Variants in CSNK1E observed in about 807,000 individuals in gnomAD.
CSNK1E encodes casein kinase I isoform epsilon.
CSNK1E carries 17 observed loss-of-function variants against 46.1 expected under a neutral mutation model. The ratio of observed to expected loss-of-function variants is 0.37; its 90% CI spans 0.25 to 0.55. CSNK1E has a LOEUF of 0.55. CSNK1E is among the 20% of genes least tolerant of loss of function. The pLI is 0.82. For missense variants in CSNK1E, 386 were observed against 595.4 expected, an observed-to-expected ratio of 0.65 and a Z score of 3.66; for synonymous variants, 241 against 242.6, an observed-to-expected ratio of 0.99 and a Z score of 0.06.
chr22:38,292,936 G>C (rs2092618988), intron 10 of CSNK1E: 1 of 379,740 alleles, frequency 2.6e-6, no homozygotes, highest in African/African-American at 2.1e-5. Context: ...TGAGCCCATG[G>C]CCCCGTCTCT....
At chr22:38,305,523 TACTC>T (rs1332271143) in intron 2 of CSNK1E, among the ~76,000 whole-genome samples, 1 of 146,750 alleles carries the variant, frequency 6.8e-6, no homozygotes, top group Non-Finnish European at 1.5e-5. Context: ...CTAAGAGACA[TACTC>T]ACTTGCAATT....
rs2092604859 is a variant in CSNK1E, at chr22:38,290,830, A to G, written c.*1141T>C. On this transcript the variant is annotated 3_prime_UTR_variant, in exon 11 of 11. Coordinates refer to ENST00000396832, the MANE Select transcript of CSNK1E (RefSeq NM_152221.3). ...TTTTTTTTTCAGTTTTTTAAATTAC[A>G]AAGTAATAAAAAGCTTTGCTCTTTA... 6.6e-6 allele frequency: 1 copy of G among 152,076 alleles called. No homozygotes were observed. Among genetic ancestry groups the G allele is most frequent in the Admixed American group, 6.6e-5 (1 of 15,264 alleles). The allele number at this position is 152,076 out of a possible 1,614,324, so 9.4% of individuals were successfully genotyped here.
chr22:38,298,783 C>T lies in CSNK1E; in HGVS notation c.885+3G>A. On this transcript the variant is annotated splice_donor_region_variant and intron_variant, in intron 7 of 10. Coordinates refer to ENST00000396832, the MANE Select transcript of CSNK1E (RefSeq NM_152221.3). This position sits in a 1 kb window ranked among gnomAD's most constrained non-coding sequence, Gnocchi z 4.2. Reference sequence around the variant, plus strand: ...AGCCCGCCTTGGCCTCCAGGTGACTCACGAATTTCAGCATGTTCCAGTCAA... The same window carrying T: ...AGCCCGCCTTGGCCTCCAGGTGACTTACGAATTTCAGCATGTTCCAGTCAA... The T allele has an allele frequency of 6.2e-7, 1 of 1,614,052 alleles. No homozygotes were observed. The highest frequency in any genetic ancestry group is 8.5e-7 in the Non-Finnish European group (1 of 1,179,996).
chr22:38,294,444 G>C lies in CSNK1E; in HGVS notation c.976C>G (p.Arg326Gly). ...RMGQLRGSAT[R>G]ALPPGPPTGA... ...GTGGGTGGGCCAGGGGGCAGGGCTC[G>C]GGTCGCGGACCCCCGTAGCTGCCCC... The change falls in exon 8 of 11, where the codon CGA becomes GGA. Residue 326 changes from arginine to glycine, a missense_variant. This residue lies in a region of CSNK1E where 174 missense variants were observed against 185.2 expected (regional missense o/e 0.94). Transcript: ENST00000396832. This position sits in a 1 kb window ranked among gnomAD's most constrained non-coding sequence, Gnocchi z 5.5. The C allele has an allele frequency of 1.9e-6, 3 of 1,572,366 alleles. No individual in the cohort carries two copies. The highest frequency in any genetic ancestry group is 2.6e-6 in the Non-Finnish European group (3 of 1,161,278).
intron 2 of CSNK1E, among the ~76,000 whole-genome samples, chr22:38,306,399 T>C (rs2092698772): frequency 1.3e-5 from 2 of 152,242 alleles, no homozygotes; most frequent in African/African-American, 4.8e-5. Context: ...TCACCGTTTT[T>C]AGTATATTCA....
In CSNK1E at chr22:38,303,375, T is replaced by C. The variant is rs2092683739; in HGVS notation, c.77-127A>G. 8 of 773,236 alleles carry C rather than the reference T, an allele frequency of 1.0e-5. No homozygotes were observed. The highest frequency in any genetic ancestry group is 1.4e-5 in the Non-Finnish European group (7 of 493,508). The allele number at this position is 773,236 out of a possible 1,614,324, so 47.9% of individuals were successfully genotyped here. A position where few individuals can be genotyped will look rare whatever the true frequency, so the allele number is the denominator to read the frequency against. ...GGGGCCATCTGCCCTTGAGGAGCTCTTGGGGGAGGCTGGGAAGGGGGCAAA... is the reference window on the plus strand; with the variant it reads ...GGGGCCATCTGCCCTTGAGGAGCTCCTGGGGGAGGCTGGGAAGGGGGCAAA... On this transcript the variant is annotated intron_variant, in intron 2 of 10. Coordinates refer to ENST00000396832, the MANE Select transcript of CSNK1E (RefSeq NM_152221.3). The surrounding 1 kb of genome is among the most constrained non-coding windows in gnomAD (Gnocchi z 4.7).
At chr22:38,313,048 T>C (rs1394172399) in intron 2 of CSNK1E, among the ~76,000 whole-genome samples, 5 of 152,180 alleles carry the variant, frequency 3.3e-5, no homozygotes, top group Non-Finnish European at 7.3e-5. Context: ...TGCAAGGAAG[T>C]GGTCAGGGAA....
In CSNK1E at chr22:38,294,576, C is replaced by G. The variant is rs969019857; in HGVS notation, c.886-42G>C. On this transcript the variant is annotated intron_variant, in intron 7 of 10. Transcript: ENST00000396832. The surrounding 1 kb of genome is among the most constrained non-coding windows in gnomAD (Gnocchi z 5.5). ...AAAGACACCAGTCAGCCCCAGAGGC[C>G]AGGGTGCTCTGGGCCCAGCAGCCCT... The G allele has an allele frequency of 6.5e-7, 1 of 1,534,658 alleles. No homozygotes were observed. Among genetic ancestry groups the G allele is most frequent in the Middle Eastern group, 1.8e-4 (1 of 5,476 alleles).
intron 2 of CSNK1E, among the ~76,000 whole-genome samples, chr22:38,311,714 T>C (rs536387375): frequency 3.3e-5 from 5 of 152,052 alleles, no homozygotes; most frequent in Non-Finnish European, 5.9e-5. Flanking sequence ...CTCAGAATGA[T>C]ATGGTGACTT....
chr22:38,298,494 G>C lies in CSNK1E; in HGVS notation c.885+292C>G. ...ATCAGGGCAGCAGGGGGCGCCGCCA[G>C]CACCACCCATGCCCTGCTGCGGGCA... is the stretch of plus-strand genomic sequence containing the variant. On this transcript the variant is annotated intron_variant, in intron 7 of 10. Transcript: ENST00000396832. This position sits in a 1 kb window ranked among gnomAD's most constrained non-coding sequence, Gnocchi z 4.2. 2.3e-6 allele frequency: 1 copy of C among 427,704 alleles called. No individual in the cohort carries two copies. The allele number at this position is 427,704 out of a possible 1,614,324, so 26.5% of individuals were successfully genotyped here.
At position 38,299,866 on chromosome 22, in the gene CSNK1E, G is replaced by A. The variant is rs146245501; in HGVS notation, c.736+29C>T. The A allele has an allele frequency of 6.4e-5, 103 of 1,608,026 alleles. No individual in the cohort carries two copies. In the African/African-American group the frequency reaches 1.1e-3, roughly 18 times the overall value. ...TTAGACAGTGCCTCAGGGGCCCCCA[G>A]GCATGTCCCCTCCCACTGGGCTACT... On this transcript the variant is annotated intron_variant, in intron 6 of 10. Transcript: ENST00000396832.
At chr22:38,302,482 C>T (rs981510348) in intron 4 of CSNK1E, among the ~76,000 whole-genome samples, 1 of 152,158 alleles carries the variant, frequency 6.6e-6, no homozygotes, top group East Asian at 1.9e-4. Flanking sequence ...CGGTGGCTCA[C>T]GCCTGTAATC....
intron 7 of CSNK1E, among the ~76,000 whole-genome samples, chr22:38,295,740 G>T (rs2092636995): frequency 6.6e-6 from 1 of 152,214 alleles, no homozygotes; most frequent in Admixed American, 6.5e-5. Context: ...ACCCCAAGAG[G>T]TCACTGTTCA....
rs374598201 is a variant in CSNK1E at position 38,294,175 on chromosome 22, C to A, written c.1152G>T (p.Ala384=). ...GGTCTGAGGAGGAGACGTTGGCGGG[C>A]GCACCCCTGTGCAGCCTCATACTCA... ...RKVSMRLHRG[A]PANVSSSDLT... The change falls in exon 9 of 11, where the codon GCG becomes GCT. Residue 384 remains alanine (A), a synonymous_variant. Coordinates refer to ENST00000396832, the MANE Select transcript of CSNK1E (RefSeq NM_152221.3). This position sits in a 1 kb window ranked among gnomAD's most constrained non-coding sequence, Gnocchi z 5.5. 4.3e-6 allele frequency: 7 copies of A among 1,611,870 alleles called. No individual in the cohort carries two copies. The highest frequency in any genetic ancestry group is 5.1e-6 in the Non-Finnish European group (6 of 1,179,720).
chr22:38,311,186 A>G (rs1459430908), intron 2 of CSNK1E, among the ~76,000 whole-genome samples: 1 of 152,156 alleles, frequency 6.6e-6, no homozygotes, highest in Non-Finnish European at 1.5e-5. Context: ...TGGGTATTTT[A>G]CACGCCACGA....
Position 38,303,096 on chromosome 22 carries a change from C to A in CSNK1E, c.187+42G>T, listed in dbSNP as rs762667988. 3.8e-6 allele frequency: 6 copies of A among 1,595,668 alleles called. No homozygotes were observed. Among genetic ancestry groups the A allele is most frequent in the Non-Finnish European group, 5.1e-6 (6 of 1,170,990 alleles). On this transcript the variant is annotated intron_variant, in intron 3 of 10. Transcript: ENST00000396832. This position sits in a 1 kb window ranked among gnomAD's most constrained non-coding sequence, Gnocchi z 4.7. Reference sequence around the variant, plus strand: ...CCACCCTGTGCTCATGGCTGCCCACCGCCACCCACCCGGCGCCCGCCGCCG... The same window carrying A: ...CCACCCTGTGCTCATGGCTGCCCACAGCCACCCACCCGGCGCCCGCCGCCG...
rs1300714002 is a variant in CSNK1E, at chr22:38,300,232, GAGA to G, written c.566-170_566-168del. Among the ~76,000 whole-genome samples the G allele has an allele frequency of 5.3e-5, 8 of 152,356 alleles. No homozygotes were observed. Among genetic ancestry groups the G allele is most frequent in the East Asian group, 1.9e-4 (1 of 5,190 alleles). ...GCACTGCTATTATCCTCCTCCTACA[GAGA>G]AGAAGCCTGAGGCAGGGCCTTCTCA... On this transcript the variant is annotated intron_variant, in intron 5 of 10. Coordinates refer to ENST00000396832, the MANE Select transcript of CSNK1E (RefSeq NM_152221.3). This position sits in a 1 kb window ranked among gnomAD's most constrained non-coding sequence, Gnocchi z 4.4.
intron 2 of CSNK1E, among the ~76,000 whole-genome samples, chr22:38,305,269 G>A (rs1162224965): frequency 6.6e-6 from 1 of 151,882 alleles, no homozygotes; most frequent in Non-Finnish European, 1.5e-5. Context: ...TCCCAGGGAG[G>A]GACACCTTAG....
At chr22:38,317,093 G>C (rs1189097159) in intron 1 of CSNK1E, 67 bp downstream of exon 1, 1 of 151,508 alleles carries the variant, frequency 6.6e-6, no homozygotes, top group Non-Finnish European at 1.5e-5. Flanking sequence ...AAAACAAAGA[G>C]GCTGAGGGAG....
Sources: gnomAD v4.1 joint callset for allele counts (sites outside exome capture counted in the v4.1 genomes callset) on GRCh38, gnomAD v4.1.1 for gene constraint, gnomAD v4.1.1 regional missense constraint, Gnocchi (gnomAD v3.1) non-coding constraint, MANE v1.5 for transcripts, NCBI Gene and HGNC (gene_info 2026-07-23, HGNC 2026-07-21) for gene names.